Variants in EPHA4 observed in about 807,000 individuals in gnomAD.
EPHA4 encodes ephrin type-A receptor 4.
Under a neutral mutation model 108.3 loss-of-function variants are expected in EPHA4, and 19 were observed. The observed-to-expected ratio is 0.18, with a 90% CI of 0.12 to 0.26. The LOEUF is 0.26. EPHA4 is among the 10% of genes least tolerant of loss of function. The pLI, the probability that EPHA4 is intolerant of heterozygous loss-of-function variation, is 1.00. For synonymous variants in EPHA4, 449 were observed against 455.5 expected (o/e 0.99, Z 0.18); for missense variants, 917 against 1,254.0 (o/e 0.73, Z 4.06).
At chr2:221,510,607 T>C (rs1481290749) in intron 3 of EPHA4, among the ~76,000 whole-genome samples, 1 of 152,232 alleles carries the variant, frequency 6.6e-6, no homozygotes, top group Non-Finnish European at 1.5e-5. Flanking sequence ...TGAGTAATTC[T>C]AAAATGTCAG....
chr2:221,484,606 A>T (rs1472329024), intron 4 of EPHA4, among the ~76,000 whole-genome samples: 1 of 152,226 alleles, frequency 6.6e-6, no homozygotes, highest in Admixed American at 6.5e-5. Context: ...TAGCATGGTA[A>T]CTGGAATATA....
At chr2:221,447,578 C>A (rs1690631568) in intron 8 of EPHA4, among the ~76,000 whole-genome samples, 2 of 152,276 alleles carry the variant, frequency 1.3e-5, no homozygotes, top group South Asian at 4.1e-4. Context: ...TCAGAGCCTA[C>A]AGATGTTTCT....
At chr2:221,504,445 C>T (rs927231794) in intron 3 of EPHA4, among the ~76,000 whole-genome samples, 9 of 151,946 alleles carry the variant, frequency 5.9e-5, no homozygotes, top group African/African-American at 9.7e-5. Context: ...GTCTTGGTAA[C>T]GTAGTATCTT....
chr2:221,434,126 G>A lies in EPHA4; in HGVS notation c.2496+16C>T. ...TCTCAATGTGAAAAAATATATTTCAGAACATAGAGACTTACATCTTGATTG... is the reference window on the plus strand; with the variant it reads ...TCTCAATGTGAAAAAATATATTTCAAAACATAGAGACTTACATCTTGATTG... On this transcript the variant is annotated intron_variant, in intron 14 of 17. Transcript: ENST00000281821. The A allele has an allele frequency of 6.2e-7, 1 of 1,604,516 alleles. No homozygotes were observed. The highest frequency in any genetic ancestry group is 8.5e-7 in the Non-Finnish European group (1 of 1,175,346).
In EPHA4 at chr2:221,502,202, T is replaced by C. The variant is rs550885973; in HGVS notation, c.824-1030A>G. Among the ~76,000 whole-genome samples the C allele has an allele frequency of 2.0e-5, 3 of 152,254 alleles. No homozygotes were observed. The East Asian group carries it at 5.8e-4, about 29-fold the overall frequency. The stretch of plus-strand genomic sequence containing the variant: ...AATAATGACTACTTGCTCCCCACTC[T>C]TTTTCCTTCCCCCATGGCCTTTCAT... On this transcript the variant is annotated intron_variant, in intron 3 of 17. Coordinates refer to ENST00000281821, the MANE Select transcript of EPHA4 (RefSeq NM_004438.5).
intron 5 of EPHA4, among the ~76,000 whole-genome samples, chr2:221,477,926 T>A (rs1035756663): frequency 1.3e-5 from 2 of 152,136 alleles, no homozygotes; most frequent in Non-Finnish European, 2.9e-5. Flanking sequence ...TGTTTGTTTG[T>A]CACTAGGACA....
intron 4 of EPHA4, among the ~76,000 whole-genome samples, chr2:221,491,643 G>T (rs1470267208): frequency 3.3e-5 from 5 of 152,094 alleles, no homozygotes; most frequent in African/African-American, 4.8e-5. Flanking sequence ...CCTTCATGAT[G>T]ATGATGGCTA....
At chr2:221,502,449 G>T in intron 3 of EPHA4, 1 of 466,154 alleles carries the variant, frequency 2.1e-6, no homozygotes. Flanking sequence ...ACAGCAGTGG[G>T]GAGAAGGACC....
At position 221,469,223 on chromosome 2, in the gene EPHA4, C is replaced by T. The variant is rs998380173; in HGVS notation, c.1319-11233G>A. ...CTCAGTGTTACATTTTCATCAATTT[C>T]CATTTCACAAGGGCATGAAGATAGC... On this transcript the variant is annotated intron_variant, in intron 5 of 17. Coordinates refer to ENST00000281821, the MANE Select transcript of EPHA4 (RefSeq NM_004438.5). Among the ~76,000 whole-genome samples the T allele has an allele frequency of 4.6e-5, 7 of 152,132 alleles. No homozygotes were observed. The East Asian group carries it at 1.3e-3, about 29-fold the overall frequency.
intron 3 of EPHA4, among the ~76,000 whole-genome samples, chr2:221,556,270 G>A (rs1234101910): frequency 6.6e-6 from 1 of 151,998 alleles, no homozygotes; most frequent in Non-Finnish European, 1.5e-5. Flanking sequence ...AGTAAACTTA[G>A]TGAGAAAAGT....
intron 14 of EPHA4, among the ~76,000 whole-genome samples, chr2:221,432,710 C>T (rs1266786602): frequency 6.6e-6 from 1 of 150,714 alleles, no homozygotes; most frequent in Non-Finnish European, 1.5e-5. Flanking sequence ...GTGGTGTCAT[C>T]TTGGCTCACT....
chr2:221,459,183 A>G (rs1373172079), intron 5 of EPHA4, among the ~76,000 whole-genome samples: 1 of 152,122 alleles, frequency 6.6e-6, no homozygotes, highest in Non-Finnish European at 1.5e-5. Context: ...CAGACACACC[A>G]TAGTCACACA....
At chr2:221,523,580 C>T (rs1693236993) in intron 3 of EPHA4, among the ~76,000 whole-genome samples, 1 of 150,898 alleles carries the variant, frequency 6.6e-6, no homozygotes, top group Non-Finnish European at 1.5e-5. Context: ...AGCCACCGTG[C>T]CTGGCCAGAA....
At chr2:221,537,090 C>A (rs1318172240) in intron 3 of EPHA4, among the ~76,000 whole-genome samples, 1 of 152,154 alleles carries the variant, frequency 6.6e-6, no homozygotes, top group Non-Finnish European at 1.5e-5. Context: ...GCATTTAATC[C>A]ATTCATTCAT....
At chr2:221,515,889 T>C (rs1006515952) in intron 3 of EPHA4, among the ~76,000 whole-genome samples, 1 of 152,048 alleles carries the variant, frequency 6.6e-6, no homozygotes, top group Non-Finnish European at 1.5e-5. Flanking sequence ...CTACATTTTA[T>C]TTTTTAAAAT....
intron 3 of EPHA4, among the ~76,000 whole-genome samples, chr2:221,556,805 T>C (rs1694318623): frequency 6.6e-6 from 1 of 152,190 alleles, no homozygotes; most frequent in South Asian, 2.1e-4. Flanking sequence ...GATATATTGT[T>C]ATAATTGTTC....
At chr2:221,433,102 G>A (rs1029905613) in intron 14 of EPHA4, among the ~76,000 whole-genome samples, 1 of 152,096 alleles carries the variant, frequency 6.6e-6, no homozygotes, top group African/African-American at 2.4e-5. Flanking sequence ...GGGATTACAG[G>A]CGTGAGCCAC....
intron 11 of EPHA4, among the ~76,000 whole-genome samples, chr2:221,442,617 A>G (rs938817034): frequency 1.3e-5 from 2 of 152,190 alleles, no homozygotes; most frequent in African/African-American, 4.8e-5. Context: ...TTTCTCTAAA[A>G]TCTCACACAA....
At chr2:221,471,800 A>G (rs1411505462) in intron 5 of EPHA4, among the ~76,000 whole-genome samples, 1 of 152,160 alleles carries the variant, frequency 6.6e-6, no homozygotes, top group Non-Finnish European at 1.5e-5. Context: ...TTTTCTGTCC[A>G]CTGTTCATGG....
Sources: allele counts gnomAD v4.1 joint callset (sites outside exome capture counted in the v4.1 genomes callset), GRCh38; gene constraint gnomAD v4.1.1; transcripts MANE v1.5; gene names NCBI Gene and HGNC (gene_info 2026-07-23, HGNC 2026-07-21).